RP1: variants seen among roughly 807,000 people sequenced by gnomAD.
RP1 encodes oxygen-regulated protein 1.
A neutral mutation model predicts 14.8 loss-of-function variants in RP1; 16 were observed. That is an observed-to-expected ratio of 1.08 (90% CI 0.73 to 1.65). RP1 has a LOEUF of 1.65. Ranked by LOEUF, RP1 falls within the 40% of genes most tolerant of loss-of-function variation. The pLI, the probability that RP1 is intolerant of heterozygous loss-of-function variation, is 0.00. For synonymous variants in RP1, 876 were observed against 883.6 expected, an observed-to-expected ratio of 0.99 and a Z score of 0.15; for missense variants, 2,631 against 2,535.0, an observed-to-expected ratio of 1.04 and a Z score of -0.81.
At chr8:54,725,435 G>A (rs534365705) in intron 16 of RP1, among the ~76,000 whole-genome samples, 1 of 152,208 alleles carries the variant, frequency 6.6e-6, no homozygotes, top group South Asian at 2.1e-4. Context: ...AACACCTGAA[G>A]GATATAAATA....
At chr8:54,653,368 A>G (rs767589569) in intron 5 of RP1, among the ~76,000 whole-genome samples, 3 of 152,248 alleles carry the variant, frequency 2.0e-5, no homozygotes, top group African/African-American at 7.2e-5. Flanking sequence ...CATGATTGTC[A>G]GTAAATGCAG....
Position 54,626,666 on chromosome 8 carries a change from T to C in RP1, c.2784T>C (p.Thr928=). ...TGCAGAACATAAATCCATATCCAAC[T>C]TTAAAGCCTATAAAATCAGCTCCAG... is the stretch of plus-strand genomic sequence containing the variant. ...SWLQNINPYP[T]LKPIKSAPVC... Residue 928 remains threonine (T), a synonymous_variant, in exon 4 of 4, where the codon ACT becomes ACC. Transcript: ENST00000220676. The C allele has an allele frequency of 6.2e-7, 1 of 1,613,916 alleles. No homozygotes were observed. Among genetic ancestry groups the C allele is most frequent in the Non-Finnish European group, 8.5e-7 (1 of 1,179,900 alleles).
At position 54,626,900 on chromosome 8, in the gene RP1, GAC is replaced by G; in HGVS notation, c.3022_3023del (p.Gln1008GlyfsTer6). 1 of 1,613,816 alleles carries G rather than the reference GAC, an allele frequency of 6.2e-7. No homozygotes were observed. Among genetic ancestry groups the G allele is most frequent in the South Asian group, 1.1e-5 (1 of 91,070 alleles). The part of the protein sequence containing the change: ...NDTGEEDLHE[T>X]QVGSLNDAYL... The stretch of plus-strand genomic sequence containing the variant: ...ACACTGGTGAAGAAGATCTCCATGA[GAC>G]ACAGGTTGGATCTCTGAATGATGCT... On this transcript the variant is annotated frameshift_variant, in exon 4 of 4. Transcript: ENST00000220676. LOFTEE classifies it low-confidence loss of function (END_TRUNC).
chr8:54,606,778 C>T (rs1293674681), intron 1 of RP1, among the ~76,000 whole-genome samples: 1 of 152,144 alleles, frequency 6.6e-6, no homozygotes, highest in Non-Finnish European at 1.5e-5. Flanking sequence ...TCTCTTCTCA[C>T]TTCATTTCAT....
intron 1 of RP1, among the ~76,000 whole-genome samples, chr8:54,604,190 T>C (rs995780628): frequency 5.3e-5 from 8 of 152,234 alleles, no homozygotes; most frequent in Non-Finnish European, 1.0e-4. Context: ...TAGATAGCTC[T>C]TATTATTTTG....
intron 1 of RP1, among the ~76,000 whole-genome samples, chr8:54,583,877 T>C (rs528598495): frequency 2.0e-5 from 3 of 152,352 alleles, no homozygotes; most frequent in African/African-American, 7.2e-5. Flanking sequence ...TACGTCTATT[T>C]GATTCTTCTC....
At chr8:54,708,353 G>GTTTTTTTTTTTTTTT (rs529900167) in intron 15 of RP1, among the ~76,000 whole-genome samples, 2 of 144,168 alleles carry the variant, frequency 1.4e-5, no homozygotes, top group Non-Finnish European at 3.0e-5. Context: ...GTGATTTCTG[G>GTTTTTTTTTTTTTTT]TTTTTTTTTT....
rs76094020 is a variant in RP1 at position 54,807,689 on chromosome 8, T to C, written c.3615+23979T>C. Among the ~76,000 whole-genome samples the C allele has an allele frequency of 5.5e-3, 840 of 152,000 alleles. 20 individuals are homozygous for C. The East Asian group carries it at 0.072, about 13-fold the overall frequency. ...ATCTATCTATCTATTTATCTATCTC[T>C]ATCTATCTATCATGAGAGATTTATT... On this transcript the variant is annotated intron_variant, in intron 24 of 28. Transcript: ENST00000637698.
At chr8:54,716,194 C>G (rs1808399437) in intron 15 of RP1, among the ~76,000 whole-genome samples, 1 of 151,998 alleles carries the variant, frequency 6.6e-6, no homozygotes, top group Admixed American at 6.6e-5. Context: ...GGCTGAAAAG[C>G]CCATAATTTA....
At chr8:54,611,540 T>C (rs7844339), upstream of RP1, among the ~76,000 whole-genome samples, 3,271 of 152,240 alleles carry the variant, frequency 0.021, 118 homozygotes, top group African/African-American at 0.072. Flanking sequence ...TTCTTTTTGG[T>C]TCCTTTTCAT....
intron 21 of RP1, among the ~76,000 whole-genome samples, chr8:54,756,529 T>TCC (rs1210512616): frequency 6.6e-6 from 1 of 152,208 alleles, no homozygotes; most frequent in Non-Finnish European, 1.5e-5. Context: ...AAAGCTTTCA[T>TCC]CAGAATGAAT....
Position 54,682,955 on chromosome 8 carries a change from C to T in RP1, c.1717+3022C>T, listed in dbSNP as rs894260546. 1.1e-4 allele frequency among the ~76,000 whole-genome samples: 17 copies of T among 152,136 alleles called. No homozygotes were observed. In the East Asian group the frequency reaches 2.7e-3, roughly 24 times the overall value. On this transcript the variant is annotated intron_variant, in intron 12 of 22. Transcript: ENST00000636932. ...GGGGTTTACATTTAAGTCTTTAATT[C>T]ATCTTGAGTTAATTTGTGTATAAGG...
chr8:54,812,610 T>C (rs1811025931), intron 24 of RP1, among the ~76,000 whole-genome samples: 1 of 152,216 alleles, frequency 6.6e-6, no homozygotes, highest in Non-Finnish European at 1.5e-5. Context: ...AGCTTTCACT[T>C]CCAATTCTGT....
chr8:54,735,595 G>A (rs1023144724), intron 18 of RP1, among the ~76,000 whole-genome samples: 1 of 152,142 alleles, frequency 6.6e-6, no homozygotes, highest in Non-Finnish European at 1.5e-5. Flanking sequence ...ATACTCAAAT[G>A]GTTTCTAGAT....
intron 25 of RP1, among the ~76,000 whole-genome samples, chr8:54,840,108 T>A (rs1811756097): frequency 6.6e-6 from 1 of 152,136 alleles, no homozygotes; most frequent in Non-Finnish European, 1.5e-5. Flanking sequence ...ATTCACCTCA[T>A]TGCTAACATG....
intron 26 of RP1, chr8:54,852,833 C>T (rs1215465653): frequency 4.8e-6 from 4 of 827,610 alleles, no homozygotes; most frequent in Non-Finnish European, 6.5e-6. Context: ...CAGTTGATTC[C>T]TGTGAGGAAT....
intron 22 of RP1, among the ~76,000 whole-genome samples, chr8:54,760,729 C>T (rs184318072): frequency 6.6e-6 from 1 of 152,104 alleles, no homozygotes; most frequent in South Asian, 2.1e-4. Context: ...AGTTCTGTTC[C>T]ACTCTGCTTT....
chr8:54,861,103 AG>A (rs1241663212), intron 27 of RP1, among the ~76,000 whole-genome samples: 1 of 152,232 alleles, frequency 6.6e-6, no homozygotes, highest in Non-Finnish European at 1.5e-5. Context: ...TTACACTAAA[AG>A]AAAAGTATAC....
intron 15 of RP1, among the ~76,000 whole-genome samples, chr8:54,712,950 T>C (rs1011729100): frequency 3.9e-5 from 6 of 152,240 alleles, no homozygotes; most frequent in African/African-American, 1.4e-4. Flanking sequence ...TTAGAGGCTA[T>C]GGTAAGGCAT....
Sources: gnomAD v4.1 joint callset for allele counts (sites outside exome capture counted in the v4.1 genomes callset) on GRCh38, gnomAD v4.1.1 for gene constraint, MANE v1.5 for transcripts, NCBI Gene and HGNC (gene_info 2026-07-23, HGNC 2026-07-21) for gene names.